Variants in INCA1 observed in about 807,000 individuals in gnomAD.
INCA1 encodes protein INCA1.
Under a neutral mutation model 25.7 loss-of-function variants are expected in INCA1, and 28 were observed. The observed-to-expected ratio is 1.09, with a 90% CI of 0.81 to 1.49. INCA1 has a LOEUF of 1.49. Ranked by LOEUF, INCA1 falls within the 40% of genes most tolerant of loss-of-function variation. The pLI, the probability that INCA1 is intolerant of heterozygous loss-of-function variation, is 0.00. For missense variants in INCA1, 309 were observed against 290.9 expected (o/e 1.06, Z -0.45); for synonymous variants, 111 against 103.6 (o/e 1.07, Z -0.43).
chr17:4,991,758 C>T (rs1973890870), intron 2 of INCA1, among the ~76,000 whole-genome samples: 2 of 152,214 alleles, frequency 1.3e-5, no homozygotes, highest in South Asian at 4.1e-4. Flanking sequence ...ATGAAAAGCA[C>T]TCAAATGCCC....
At chr17:4,989,429 C>T (rs374175162) in exon 5 of INCA1, 8 of 1,611,370 alleles carry the variant, frequency 5.0e-6, no homozygotes, top group South Asian at 4.4e-5. Context: ...CTTCCTTACT[C>T]GTTGATGATG....
chr17:4,994,934 A>G (rs1427959229), intron 1 of INCA1, among the ~76,000 whole-genome samples: 1 of 152,080 alleles, frequency 6.6e-6, no homozygotes, highest in Non-Finnish European at 1.5e-5. Flanking sequence ...GGCTGGGCGC[A>G]GTGGCTTATG....
intron 4 of INCA1, 83 bp from the exon 5 acceptor site, chr17:4,989,707 T>C: frequency 6.4e-7 from 1 of 1,567,300 alleles, no homozygotes; most frequent in South Asian, 1.1e-5. Flanking sequence ...GTAGGGAGTC[T>C]GGGGTCTTGG....
chr17:4,990,353 G>A lies in INCA1; in HGVS notation c.45-88C>T, dbSNP rs908265019. On this transcript the variant is annotated intron_variant, in intron 2 of 6. Transcript: ENST00000576820. Reference sequence around the variant, plus strand: ...AGGATTCAGGGGCCATCTTTCCATGGGACTATAAAGCTGCCCAGGTTCCCT... The same window carrying A: ...AGGATTCAGGGGCCATCTTTCCATGAGACTATAAAGCTGCCCAGGTTCCCT... 3 of 1,452,428 alleles carry A rather than the reference G, an allele frequency of 2.1e-6. No individual in the cohort carries two copies. The African/African-American group carries it at 4.3e-5, about 21-fold the overall frequency. The allele number at this position is 1,452,428 out of a possible 1,614,324, so 90.0% of individuals were successfully genotyped here.
At chr17:4,989,989 CT>C (rs1423398131) in intron 3 of INCA1, 60 bp from the exon 4 acceptor site, 7 of 1,612,294 alleles carry the variant, frequency 4.3e-6, no homozygotes, top group Non-Finnish European at 5.9e-6. Flanking sequence ...CATATTGCTT[CT>C]TTAATAATCT....
intron 2 of INCA1, among the ~76,000 whole-genome samples, chr17:4,992,107 T>G (rs1367955451): frequency 6.6e-6 from 1 of 152,168 alleles, no homozygotes; most frequent in Non-Finnish European, 1.5e-5. Context: ...GATGAAAAGA[T>G]TATCCATACA....
chr17:4,991,473 C>A (rs1973870114), intron 2 of INCA1, among the ~76,000 whole-genome samples: 1 of 152,180 alleles, frequency 6.6e-6, no homozygotes. Context: ...GGACTAATAT[C>A]CTTGTAAATA....
chr17:4,993,242 C>T (rs1372383758), intron 2 of INCA1, among the ~76,000 whole-genome samples: 8 of 152,080 alleles, frequency 5.3e-5, no homozygotes, highest in African/African-American at 1.2e-4. Flanking sequence ...TGCAATGGCT[C>T]GGTCTCAGCT....
chr17:4,997,263 G>T (rs1443504400), upstream of INCA1: 2 of 152,278 alleles, frequency 1.3e-5, no homozygotes, highest in Non-Finnish European at 2.9e-5. Context: ...GGGCACGACT[G>T]GGGGCTGCTT....
At chr17:4,990,829 G>A (rs934746046) in intron 2 of INCA1, among the ~76,000 whole-genome samples, 3 of 150,642 alleles carry the variant, frequency 2.0e-5, no homozygotes, top group Non-Finnish European at 4.4e-5. Context: ...GTTGCAGTGA[G>A]TCGAAATCGC....
intron 2 of INCA1, among the ~76,000 whole-genome samples, chr17:4,991,882 A>G (rs1973897043): frequency 6.6e-6 from 1 of 151,434 alleles, no homozygotes; most frequent in South Asian, 2.1e-4. Flanking sequence ...GAATTTGACC[A>G]CTCCTCATCA....
chr17:4,988,393 G>T (rs768644191), exon 7 of INCA1: 1 of 1,584,052 alleles, frequency 6.3e-7, no homozygotes, highest in Non-Finnish European at 8.6e-7. Context: ...TCTCGGCATC[G>T]GTGGTTTCTC....
chr17:4,994,381 T>C lies in INCA1; in HGVS notation c.44+13A>G. 6.2e-7 allele frequency: 1 copy of C among 1,613,268 alleles called. No individual in the cohort carries two copies. The highest frequency in any genetic ancestry group is 8.5e-7 in the Non-Finnish European group (1 of 1,179,452). On this transcript the variant is annotated intron_variant, in intron 2 of 6. Coordinates refer to ENST00000576820, the Ensembl canonical transcript of INCA1. ...TCCCATCCCCATGCTCCCCACCCAG[T>C]GGGAGGACTCACTTGGCAAAGGGGA...
rs147918014 is a variant in INCA1 at position 4,990,604 on chromosome 17, G to A, written c.45-339C>T. Among the ~76,000 whole-genome samples the A allele has an allele frequency of 5.4e-3, 821 of 152,050 alleles. 4 individuals carry two copies. The highest frequency in any genetic ancestry group is 0.034 in the Middle Eastern group (10 of 294). ...CACATAAAGTACACTAACACTGGCC[G>A]GGCGTGGTGGCTCATGCCTGTAATC... is the stretch of plus-strand genomic sequence containing the variant. On this transcript the variant is annotated intron_variant, in intron 2 of 6. Coordinates refer to ENST00000576820, the Ensembl canonical transcript of INCA1.
At chr17:4,996,666 CAAAAAAAAAAAAA>C (rs35732129) in intron 1 of INCA1, among the ~76,000 whole-genome samples, 4 of 51,774 alleles carry the variant, frequency 7.7e-5, no homozygotes, top group Non-Finnish European at 9.0e-5. Context: ...GACTCCGTCT[CAAAAAAAAAAAAA>C]AAAAAAAAAA....
At chr17:4,988,921 C>T in exon 6 of INCA1, 1 of 1,614,080 alleles carries the variant, frequency 6.2e-7, no homozygotes, top group Non-Finnish European at 8.5e-7. Context: ...AGCCCCAGAG[C>T]TGCCCCACTG....
At chr17:4,995,620 C>A (rs548003017) in intron 1 of INCA1, among the ~76,000 whole-genome samples, 2 of 151,816 alleles carry the variant, frequency 1.3e-5, no homozygotes, top group Admixed American at 1.3e-4. Flanking sequence ...TACAGAGAGA[C>A]GTCATCTCTA....
intron 2 of INCA1, among the ~76,000 whole-genome samples, 200 bp from the exon 3 acceptor site, chr17:4,990,465 G>A (rs1434136842): frequency 1.3e-5 from 2 of 152,174 alleles, no homozygotes; most frequent in East Asian, 3.9e-4. Context: ...GTTGAGGGTG[G>A]AGATTGGCTA....
At position 4,989,668 on chromosome 17, in the gene INCA1, C is replaced by A. The variant is rs1197716792; in HGVS notation, c.199-44G>T. ...AAAAAGAGCTAGAAAGAAGAACTGG[C>A]TCTCTCAAGGGAGCTTGGATTGAAC... On this transcript the variant is annotated intron_variant, in intron 4 of 6. Transcript: ENST00000576820. 3.1e-6 allele frequency: 5 copies of A among 1,605,192 alleles called. No homozygotes were observed. In the South Asian group the frequency reaches 4.4e-5, roughly 14 times the overall value.
Sources: gnomAD v4.1 joint callset for allele counts (sites outside exome capture counted in the v4.1 genomes callset) on GRCh38, gnomAD v4.1.1 for gene constraint, MANE v1.5 for transcripts, NCBI Gene and HGNC (gene_info 2026-07-23, HGNC 2026-07-21) for gene names.